Variants in SLC33A1 observed in about 807,000 individuals in gnomAD.
SLC33A1 encodes acetyl-coenzyme A transporter 1.
Under a neutral mutation model 50.0 loss-of-function variants are expected in SLC33A1, and 20 were observed. The ratio of observed to expected loss-of-function variants is 0.40; its 90% CI spans 0.28 to 0.58. The LOEUF (loss-of-function observed/expected upper bound fraction) is 0.58. SLC33A1 is among the 20% of genes least tolerant of loss of function. The pLI, the probability that SLC33A1 is intolerant of heterozygous loss-of-function variation, is 0.44. For missense variants in SLC33A1, 476 were observed against 657.0 expected, an observed-to-expected ratio of 0.72 and a Z score of 3.01; for synonymous variants, 265 against 251.8, an observed-to-expected ratio of 1.05 and a Z score of -0.50.
At chr3:155,830,091 C>T (rs890743581) in intron 4 of SLC33A1, among the ~76,000 whole-genome samples, 188 bp from the exon 5 acceptor site, 8 of 151,910 alleles carry the variant, frequency 5.3e-5, no homozygotes, top group East Asian at 1.9e-4. Flanking sequence ...AGGCCGGGCG[C>T]GGTGGCTCAT....
chr3:155,838,018 G>C (rs1419803125), intron 2 of SLC33A1, among the ~76,000 whole-genome samples: 1 of 152,052 alleles, frequency 6.6e-6, no homozygotes, highest in Non-Finnish European at 1.5e-5. Flanking sequence ...TAATCTATTG[G>C]CTGGCCAGGT....
At chr3:155,830,359 G>C (rs1031754539) in intron 4 of SLC33A1, among the ~76,000 whole-genome samples, 28 of 150,966 alleles carry the variant, frequency 1.9e-4, no homozygotes, top group Non-Finnish European at 2.7e-4. Context: ...GGCGACAGAG[G>C]GAGACTCAGT....
intron 1 of SLC33A1, among the ~76,000 whole-genome samples, chr3:155,846,933 C>T (rs1380700610): frequency 6.6e-6 from 1 of 151,756 alleles, no homozygotes; most frequent in Admixed American, 6.6e-5. Context: ...ATAGGCTGGG[C>T]GTGGTGGCTC....
intron 4 of SLC33A1, among the ~76,000 whole-genome samples, chr3:155,831,780 T>A (rs1004885502): frequency 1.3e-5 from 2 of 152,086 alleles, no homozygotes; most frequent in East Asian, 3.9e-4. Flanking sequence ...GAAAAAAAAA[T>A]TATATTTGAC....
At chr3:155,843,436 T>C (rs574065559) in intron 1 of SLC33A1, among the ~76,000 whole-genome samples, 5 of 152,310 alleles carry the variant, frequency 3.3e-5, no homozygotes, top group African/African-American at 1.2e-4. Flanking sequence ...AGGCATTTGC[T>C]CACACTCGTA....
At chr3:155,850,152 G>A (rs1458419705) in intron 1 of SLC33A1, among the ~76,000 whole-genome samples, 1 of 151,654 alleles carries the variant, frequency 6.6e-6, no homozygotes, top group African/African-American at 2.4e-5. Context: ...GAGACTACAG[G>A]TGCATGCCAT....
At chr3:155,844,447 ATATATATATATTTTTTTTTT>A (rs1753064177) in intron 1 of SLC33A1, among the ~76,000 whole-genome samples, 2 of 29,176 alleles carry the variant, frequency 6.9e-5, no homozygotes, top group African/African-American at 3.3e-4. Flanking sequence ...ATATATATAT[ATATATATATATTTTTTTTTT>A]TTTTTTTTTT....
chr3:155,830,085 C>T (rs1043046929), intron 4 of SLC33A1, among the ~76,000 whole-genome samples, 182 bp from the exon 5 acceptor site: 19 of 151,940 alleles, frequency 1.3e-4, no homozygotes, highest in East Asian at 3.9e-4. Flanking sequence ...CAATACAGGC[C>T]GGGCGCGGTG....
At position 155,825,028 on chromosome 3, in the gene SLC33A1, G is replaced by A. The variant is rs1184853771; in HGVS notation, c.*3182C>T. ...AGGCTGGACGACTGCTTGAAGCTATGAGATTGGGACTAGCCTGGAAAATAT... is the reference window on the plus strand; with the variant it reads ...AGGCTGGACGACTGCTTGAAGCTATAAGATTGGGACTAGCCTGGAAAATAT... On this transcript the variant is annotated 3_prime_UTR_variant, in exon 6 of 6. Coordinates refer to ENST00000643144, the MANE Select transcript of SLC33A1 (RefSeq NM_004733.4). 6.6e-6 allele frequency: 1 copy of A among 152,102 alleles called. No homozygotes were observed. Among genetic ancestry groups the A allele is most frequent in the South Asian group, 2.1e-4 (1 of 4,818 alleles). The allele number at this position is 152,102 out of a possible 1,614,324, so 9.4% of individuals were successfully genotyped here.
intron 5 of SLC33A1, among the ~76,000 whole-genome samples, chr3:155,828,721 A>G (rs1292562203): frequency 6.6e-6 from 1 of 151,526 alleles, no homozygotes; most frequent in East Asian, 2.0e-4. Context: ...TTGTGAGTAG[A>G]TAAGACCACA....
intron 4 of SLC33A1, among the ~76,000 whole-genome samples, chr3:155,830,358 G>C (rs1024367659): frequency 1.3e-5 from 2 of 151,532 alleles, no homozygotes; most frequent in African/African-American, 4.8e-5. Flanking sequence ...GGGCGACAGA[G>C]GGAGACTCAG....
intron 1 of SLC33A1, chr3:155,844,890 A>C (rs1254078041): frequency 6.6e-6 from 1 of 152,140 alleles, no homozygotes; most frequent in Admixed American, 6.6e-5. Context: ...TTAAGTAATA[A>C]ATGTTTAATC....
intron 4 of SLC33A1, among the ~76,000 whole-genome samples, chr3:155,832,220 A>C (rs9814868): frequency 0.092 from 13,946 of 152,162 alleles, 1,879 homozygotes; most frequent in African/African-American, 0.3. Flanking sequence ...TCTACTAAAA[A>C]AATACAAAAT....
intron 2 of SLC33A1, among the ~76,000 whole-genome samples, chr3:155,838,761 T>C (rs1260317117): frequency 6.7e-6 from 1 of 148,892 alleles, no homozygotes; most frequent in Non-Finnish European, 1.5e-5. Flanking sequence ...GAGGTGGGAG[T>C]CTGGCTTAAG....
intron 1 of SLC33A1, among the ~76,000 whole-genome samples, chr3:155,846,563 C>T (rs1237321183): frequency 6.6e-6 from 1 of 151,716 alleles, no homozygotes; most frequent in Non-Finnish European, 1.5e-5. Context: ...AAGTGATTCT[C>T]CTGCCTCAGC....
intron 1 of SLC33A1, among the ~76,000 whole-genome samples, chr3:155,848,221 G>C (rs9881705): frequency 6.6e-6 from 1 of 152,052 alleles, no homozygotes. Flanking sequence ...TTGCAGCCTC[G>C]AACTCCTGGC....
In SLC33A1 at chr3:155,837,224, TG is replaced by T. The variant is rs751774748; in HGVS notation, c.964-3184del. 8.1e-4 allele frequency among the ~76,000 whole-genome samples: 123 copies of T among 151,722 alleles called. 2 individuals are homozygous for T. The highest frequency in any genetic ancestry group is 1.5e-3 in the Non-Finnish European group (101 of 67,898). ...ACACAAAATTAGCTGGGCGTGGTGG[TG>T]GGTGCCTGTAGTCCCAGCTACTTGG... On this transcript the variant is annotated intron_variant, in intron 2 of 5. Transcript: ENST00000643144.
intron 1 of SLC33A1, among the ~76,000 whole-genome samples, chr3:155,843,389 T>A (rs1441461959): frequency 3.3e-5 from 5 of 152,154 alleles, no homozygotes; most frequent in African/African-American, 1.2e-4. Flanking sequence ...TCAATCTGTT[T>A]AAGAATAACC....
At chr3:155,830,359 G>A (rs1031754539) in intron 4 of SLC33A1, among the ~76,000 whole-genome samples, 2 of 150,964 alleles carry the variant, frequency 1.3e-5, no homozygotes, top group Non-Finnish European at 2.9e-5. Flanking sequence ...GGCGACAGAG[G>A]GAGACTCAGT....
Sources: allele counts gnomAD v4.1 joint callset (sites outside exome capture counted in the v4.1 genomes callset), GRCh38; gene constraint gnomAD v4.1.1; transcripts MANE v1.5; gene names NCBI Gene and HGNC (gene_info 2026-07-23, HGNC 2026-07-21).